COL10A1: variants seen among roughly 807,000 people sequenced by gnomAD.
COL10A1 encodes collagen type X alpha 1 chain.
Under a neutral mutation model 18.2 loss-of-function variants are expected in COL10A1, and 10 were observed. The observed-to-expected ratio is 0.55, with a 90% CI of 0.34 to 0.93. COL10A1 has a LOEUF of 0.93. Among genes scored for constraint, COL10A1 ranks in the 40% least tolerant of loss-of-function variants. The pLI is 0.02. For missense variants in COL10A1, 897 were observed against 853.5 expected (o/e 1.05, Z -0.64); for synonymous variants, 330 against 316.6 (o/e 1.04, Z -0.45).
upstream of COL10A1, among the ~76,000 whole-genome samples, chr6:116,130,086 AATG>A (rs1439080016): frequency 1.1e-4 from 16 of 152,272 alleles, no homozygotes; most frequent in African/African-American, 2.6e-4. Context: ...TAGGTTATAA[AATG>A]ATGATATTCT....
At chr6:116,154,115 A>G (rs1302958249) in intron 1 of COL10A1, among the ~76,000 whole-genome samples, 2 of 151,762 alleles carry the variant, frequency 1.3e-5, no homozygotes, top group East Asian at 3.9e-4. Context: ...TGGCTCTCAA[A>G]TCAGCATTGA....
upstream of COL10A1, among the ~76,000 whole-genome samples, chr6:116,159,602 GCACACACAA>G: frequency 6.6e-6 from 1 of 152,312 alleles, no homozygotes; most frequent in Middle Eastern, 3.4e-3. Flanking sequence ...GCTCCCTGCA[GCACACACAA>G]CACTGCTGTC....
chr6:116,157,051 C>G (rs937639936), intron 1 of COL10A1, among the ~76,000 whole-genome samples: 1 of 152,166 alleles, frequency 6.6e-6, no homozygotes, highest in African/African-American at 2.4e-5. Context: ...TGCCTCCCTT[C>G]CACCAAATAG....
chr6:116,157,292 G>A (rs888112094), intron 1 of COL10A1, among the ~76,000 whole-genome samples: 2 of 152,136 alleles, frequency 1.3e-5, no homozygotes, highest in Non-Finnish European at 2.9e-5. Context: ...ATGTCAGATT[G>A]TGTGGCACCA....
At chr6:116,203,068 T>G in the COL10A1 span, among the ~76,000 whole-genome samples, 1 of 151,978 alleles carries the variant, frequency 6.6e-6, no homozygotes, top group African/African-American at 2.4e-5. Flanking sequence ...TTAAACATTT[T>G]TATGGTAGGA....
the COL10A1 span, among the ~76,000 whole-genome samples, chr6:116,196,605 G>C: frequency 6.6e-6 from 1 of 152,028 alleles, no homozygotes; most frequent in Non-Finnish European, 1.5e-5. Flanking sequence ...ATAGAAAGTT[G>C]AGGTCAGGGG....
rs73566407 is a variant in COL10A1, at chr6:116,136,551, G to A, written c.-15-11044C>T. Among the ~76,000 whole-genome samples the A allele has an allele frequency of 4.1e-3, 617 of 152,168 alleles. 6 individuals carry two copies. Among genetic ancestry groups the A allele is most frequent in the African/African-American group, 0.014 (587 of 41,512 alleles). Reference sequence around the variant, plus strand: ...TTAGCTGGTAGGCGGCAGAACTGGGGTTTGAACCCAAGTTTTTCTTCCACA... The same window carrying A: ...TTAGCTGGTAGGCGGCAGAACTGGGATTTGAACCCAAGTTTTTCTTCCACA... On this transcript the variant is annotated intron_variant, in intron 1 of 1. Transcript: ENST00000418500.
At chr6:116,198,482 C>T in the COL10A1 span, among the ~76,000 whole-genome samples, 1 of 151,972 alleles carries the variant, frequency 6.6e-6, no homozygotes, top group Non-Finnish European at 1.5e-5. Context: ...ATAATACCAG[C>T]AGTTTGGGAG....
At chr6:116,201,730 C>T in the COL10A1 span, among the ~76,000 whole-genome samples, 69 of 152,070 alleles carry the variant, frequency 4.5e-4, no homozygotes, top group Non-Finnish European at 5.7e-4. Flanking sequence ...GACATGCAGC[C>T]GAAAGAAACA....
rs141152081 is a variant in COL10A1 at position 116,135,557 on chromosome 6, C to A, written c.-15-10050G>T. Among the ~76,000 whole-genome samples, 318 of 151,616 alleles carry A rather than the reference C, an allele frequency of 2.1e-3. 1 individual carries two copies. The highest frequency in any genetic ancestry group is 7.2e-3 in the African/African-American group (297 of 41,366). On this transcript the variant is annotated intron_variant, in intron 1 of 1. Transcript: ENST00000418500. ...TAAAATCTTAGGTAATATTCCATTT[C>A]ATTACTTGATGAACAATATAACTTC...
In COL10A1 at chr6:116,121,857, T is replaced by C; in HGVS notation, c.259A>G (p.Ser87Gly). 1.9e-6 allele frequency: 3 copies of C among 1,613,882 alleles called. No individual in the cohort carries two copies. Among genetic ancestry groups the C allele is most frequent in the Non-Finnish European group, 2.5e-6 (3 of 1,179,948 alleles). ...SGPPGKPGYGSPGLQGEPGLP... is the reference protein window; with the variant it reads ...SGPPGKPGYGGPGLQGEPGLP... The stretch of plus-strand genomic sequence containing the variant: ...CCTGGCTCTCCTTGGAGTCCAGGAC[T>C]TCCGTAGCCTGGTTTTCCTGGTGGT... The change falls in exon 3 of 3, where the codon AGT becomes GGT. Residue 87 changes from serine (S) to glycine (G), a missense_variant. Ser to Gly is a moderately conservative substitution (Grantham distance 56, BLOSUM62 0). Coordinates refer to ENST00000651968, the MANE Select transcript of COL10A1 (RefSeq NM_000493.4).
chr6:116,198,212 A>G, the COL10A1 span, among the ~76,000 whole-genome samples: 1 of 152,106 alleles, frequency 6.6e-6, no homozygotes. Context: ...TTTCTGGGTA[A>G]CAGCCATCTA....
At chr6:116,181,252 C>T in the COL10A1 span, among the ~76,000 whole-genome samples, 207 of 151,862 alleles carry the variant, frequency 1.4e-3, 1 homozygote, top group African/African-American at 4.9e-3. Context: ...ATATAGTAAA[C>T]ATTAGGTAAA....
the COL10A1 span, among the ~76,000 whole-genome samples, chr6:116,214,268 C>A: frequency 6.6e-5 from 10 of 151,942 alleles, no homozygotes; most frequent in African/African-American, 2.4e-4. Flanking sequence ...TAAAACAGTT[C>A]ATCAGGTCTT....
intron 1 of COL10A1, among the ~76,000 whole-genome samples, chr6:116,142,885 T>G (rs1383905916): frequency 1.3e-5 from 2 of 152,192 alleles, no homozygotes. Flanking sequence ...CACATATATG[T>G]CAGTCTGAAT....
the COL10A1 span, among the ~76,000 whole-genome samples, chr6:116,180,848 T>A: frequency 0.51 from 77,366 of 151,912 alleles, 20,795 homozygotes; most frequent in African/African-American, 0.69. Context: ...TATCAACCAA[T>A]TGCAATTTGT....
At chr6:116,167,785 T>G in the COL10A1 span, among the ~76,000 whole-genome samples, 1 of 152,182 alleles carries the variant, frequency 6.6e-6, no homozygotes, top group Admixed American at 6.5e-5. Context: ...CAAGTTGTTA[T>G]GAATAGATAT....
intron 1 of COL10A1, among the ~76,000 whole-genome samples, chr6:116,144,257 C>T (rs538834366): frequency 2.8e-4 from 42 of 152,226 alleles, no homozygotes; most frequent in Middle Eastern, 3.4e-3. Context: ...TATCCCAGCA[C>T]TTTGGGAGGC....
chr6:116,119,387 T>C lies in COL10A1; in HGVS notation c.*686A>G, dbSNP rs2114272209. 6.6e-6 allele frequency: 1 copy of C among 152,536 alleles called. No individual in the cohort carries two copies. Among genetic ancestry groups the C allele is most frequent in the African/African-American group, 2.4e-5 (1 of 41,582 alleles). 9.4% of individuals were successfully genotyped at this position (152,536 alleles called of 1,614,324 possible). ...GGGTATATAAAAAGCTTCTCTGCAATCATAGAAAAGTTTGAAAAGGTTCAT... is the reference window on the plus strand; with the variant it reads ...GGGTATATAAAAAGCTTCTCTGCAACCATAGAAAAGTTTGAAAAGGTTCAT... On this transcript the variant is annotated 3_prime_UTR_variant, in exon 3 of 3. Coordinates refer to ENST00000651968, the MANE Select transcript of COL10A1 (RefSeq NM_000493.4).
Sources: allele counts gnomAD v4.1 joint callset (sites outside exome capture counted in the v4.1 genomes callset), GRCh38; gene constraint gnomAD v4.1.1; transcripts MANE v1.5; gene names NCBI Gene and HGNC (gene_info 2026-07-23, HGNC 2026-07-21).